The following PLCL1 variants were observed in gnomAD, a reference collection of about 807,000 sequenced individuals.
PLCL1 encodes inactive phospholipase C-like protein 1.
Under a neutral mutation model 84.4 loss-of-function variants are expected in PLCL1, and 41 were observed. The ratio of observed to expected loss-of-function variants is 0.49; its 90% CI spans 0.38 to 0.63. PLCL1 has a LOEUF of 0.63. Among genes scored for constraint, PLCL1 ranks in the 30% least tolerant of loss-of-function variants. The pLI, the probability that PLCL1 is intolerant of heterozygous loss-of-function variation, is 0.00. For missense variants in PLCL1, 1,206 were observed against 1,367.8 expected, an observed-to-expected ratio of 0.88 and a Z score of 1.87; for synonymous variants, 490 against 488.3, an observed-to-expected ratio of 1.00 and a Z score of -0.05.
chr2:197,831,265 AGG>A (rs1691053289), intron 1 of PLCL1, among the ~76,000 whole-genome samples: 1 of 152,206 alleles, frequency 6.6e-6, no homozygotes, highest in South Asian at 2.1e-4. Context: ...TGCTGTATTC[AGG>A]AGACCCATCT....
intron 1 of PLCL1, among the ~76,000 whole-genome samples, chr2:197,907,286 T>C (rs1688405741): frequency 6.6e-6 from 1 of 152,130 alleles, no homozygotes; most frequent in Non-Finnish European, 1.5e-5. Context: ...TCACCCAGGC[T>C]GAAGTGCAGT....
At chr2:198,095,523 C>T (rs1574308871) in intron 3 of PLCL1, among the ~76,000 whole-genome samples, 1 of 152,076 alleles carries the variant, frequency 6.6e-6, no homozygotes, top group Non-Finnish European at 1.5e-5. Context: ...TTCTGAACTC[C>T]TTTTAATGTG....
Position 197,805,096 on chromosome 2 carries a change from G to A in PLCL1, c.-4G>A. 1 of 1,354,306 alleles carries A rather than the reference G, an allele frequency of 7.4e-7. No individual in the cohort carries two copies. Among genetic ancestry groups the A allele is most frequent in the Admixed American group, 3.8e-5 (1 of 26,434 alleles). 83.9% of individuals were successfully genotyped at this position (1,354,306 alleles called of 1,614,324 possible). A position where few individuals can be genotyped will look rare whatever the true frequency, so the allele number is the denominator to read the frequency against. On this transcript the variant is annotated 5_prime_UTR_variant, in exon 1 of 6. Transcript: ENST00000428675. The surrounding 1 kb of genome is among the most constrained non-coding windows in gnomAD (Gnocchi z 4.0). ...CCCCCGGGGAGCCCTAAACGCTCCA[G>A]GCCATGGCCGAGGGCGCGGCCGGCA...
At chr2:197,885,365 AG>A (rs570918264) in intron 1 of PLCL1, among the ~76,000 whole-genome samples, 97 of 152,306 alleles carry the variant, frequency 6.4e-4, no homozygotes, top group African/African-American at 2.2e-3. Context: ...CCCAGTCTGA[AG>A]GCAAGGGAAG....
intron 1 of PLCL1, among the ~76,000 whole-genome samples, chr2:197,865,204 G>T (rs1036798619): frequency 6.6e-6 from 1 of 152,124 alleles, no homozygotes; most frequent in Non-Finnish European, 1.5e-5. Flanking sequence ...GGGAGATCTC[G>T]CCTGGTCCTG....
intron 1 of PLCL1, among the ~76,000 whole-genome samples, chr2:198,009,779 A>C (rs1403105170): frequency 1.3e-5 from 2 of 152,020 alleles, no homozygotes; most frequent in Non-Finnish European, 2.9e-5. Context: ...TATTATGGAC[A>C]ACTTTACAAT....
chr2:198,120,787 A>G (rs1239801283), intron 5 of PLCL1, among the ~76,000 whole-genome samples: 1 of 152,098 alleles, frequency 6.6e-6, no homozygotes, highest in Admixed American at 6.6e-5. Context: ...CTGAGAGTGC[A>G]GGTAACTCTT....
At chr2:197,897,788 G>C (rs1183205923) in intron 1 of PLCL1, among the ~76,000 whole-genome samples, 1 of 152,180 alleles carries the variant, frequency 6.6e-6, no homozygotes, top group Admixed American at 6.5e-5. Flanking sequence ...TATTTTATAT[G>C]AGAATTTTCA....
At chr2:198,038,380 T>G (rs567398243) in intron 1 of PLCL1, among the ~76,000 whole-genome samples, 1 of 152,294 alleles carries the variant, frequency 6.6e-6, no homozygotes, top group African/African-American at 2.4e-5. Flanking sequence ...TAATACCTTG[T>G]TAAAGAAAAT....
At chr2:197,810,275 A>C in intron 1 of PLCL1, 2 of 1,269,764 alleles carry the variant, frequency 1.6e-6, no homozygotes, top group Non-Finnish European at 2.1e-6. Flanking sequence ...GGTCTTTCTG[A>C]TGTGATTTCT....
intron 1 of PLCL1, among the ~76,000 whole-genome samples, chr2:198,025,824 A>T (rs1475399914): frequency 6.6e-6 from 1 of 152,148 alleles, no homozygotes; most frequent in Non-Finnish European, 1.5e-5. Flanking sequence ...GATAACAATC[A>T]CTTAGGACTT....
At chr2:197,903,595 T>C (rs1688314011) in intron 1 of PLCL1, among the ~76,000 whole-genome samples, 1 of 135,742 alleles carries the variant, frequency 7.4e-6, no homozygotes, top group South Asian at 2.7e-4. Flanking sequence ...GCCATTCTCC[T>C]ACCTCAGTCT....
Position 198,084,235 on chromosome 2 carries a change from C to G in PLCL1, c.718C>G (p.Arg240Gly). 1 of 1,614,020 alleles carries G rather than the reference C, an allele frequency of 6.2e-7. No individual in the cohort carries two copies. The highest frequency in any genetic ancestry group is 8.5e-7 in the Non-Finnish European group (1 of 1,179,988). The change falls in exon 2 of 6, where the codon CGG (arginine) becomes GGG (glycine). Residue 240 changes from arginine to glycine, a missense_variant. Arg to Gly is a moderately radical substitution (Grantham distance 125). Coordinates refer to ENST00000428675, the MANE Select transcript of PLCL1 (RefSeq NM_006226.4). ...TATGGAGGGCAACCAGAACACACCA[C>G]GGTTCATGTGGTTGAAAACAGTGTT... is the stretch of plus-strand genomic sequence containing the variant. ...DFMEGNQNTP[R>G]FMWLKTVFEA...
At position 198,147,203 on chromosome 2, in the gene PLCL1, AGT is replaced by A. The variant is rs55930007; in HGVS notation, c.*271_*272del. On this transcript the variant is annotated 3_prime_UTR_variant, in exon 6 of 6. Transcript: ENST00000428675. The stretch of plus-strand genomic sequence containing the variant: ...ACCCCTGTGTGGATGCCTGTGGAAG[AGT>A]GTGTGTGTGTGTGTGTGTGTGTGTG... 3.4e-3 allele frequency: 639 copies of A among 187,614 alleles called. No individual in the cohort carries two copies. The highest frequency in any genetic ancestry group is 4.9e-3 in the African/African-American group (204 of 41,396). 11.6% of individuals were successfully genotyped at this position (187,614 alleles called of 1,614,324 possible).
At chr2:198,035,081 C>T (rs1691525293) in intron 1 of PLCL1, among the ~76,000 whole-genome samples, 1 of 151,866 alleles carries the variant, frequency 6.6e-6, no homozygotes, top group African/African-American at 2.4e-5. Context: ...ACTCTTTGTC[C>T]CCTGTAATTA....
At chr2:197,978,473 G>A (rs771397186) in intron 1 of PLCL1, among the ~76,000 whole-genome samples, 28 of 152,218 alleles carry the variant, frequency 1.8e-4, no homozygotes, top group Non-Finnish European at 3.4e-4. Flanking sequence ...GGGAGACTCC[G>A]TCTCAAAAAA....
intron 1 of PLCL1, among the ~76,000 whole-genome samples, chr2:197,958,665 A>G (rs891220120): frequency 7.9e-5 from 12 of 152,112 alleles, no homozygotes; most frequent in Non-Finnish European, 1.8e-4. Context: ...ATATGCCAGA[A>G]CACTCATAGC....
chr2:198,072,002 T>TA (rs1176486779), intron 1 of PLCL1, among the ~76,000 whole-genome samples: 1 of 151,940 alleles, frequency 6.6e-6, no homozygotes, highest in Non-Finnish European at 1.5e-5. Context: ...AAATGCCTCT[T>TA]ACAACTGCAT....
In PLCL1 at chr2:198,149,513, A is replaced by G. The variant is rs886700630; in HGVS notation, c.*2551A>G. ...CATGTGCAAGATTATATACTTAGTG[A>G]TTTTGATTTTAAGTTTATTCTTAAC... On this transcript the variant is annotated 3_prime_UTR_variant, in exon 6 of 6. Transcript: ENST00000428675. 6.6e-6 allele frequency: 1 copy of G among 152,150 alleles called. No individual in the cohort carries two copies. Among genetic ancestry groups the G allele is most frequent in the Non-Finnish European group, 1.5e-5 (1 of 68,018 alleles). The allele number at this position is 152,150 out of a possible 1,614,324, so 9.4% of individuals were successfully genotyped here. A position where few individuals can be genotyped will look rare whatever the true frequency, so the allele number is the denominator to read the frequency against.
Sources: gnomAD v4.1 joint callset for allele counts (sites outside exome capture counted in the v4.1 genomes callset) on GRCh38, gnomAD v4.1.1 for gene constraint, Gnocchi (gnomAD v3.1) non-coding constraint, MANE v1.5 for transcripts, NCBI Gene and HGNC (gene_info 2026-07-23, HGNC 2026-07-21) for gene names.